The following CCSER1 variants were observed in gnomAD, a reference collection of about 807,000 sequenced individuals.
CCSER1 encodes coiled-coil serine rich protein 1, also known as serine-rich coiled-coil domain-containing protein 1.
A neutral mutation model predicts 82.0 loss-of-function variants in CCSER1; 41 were observed. The ratio of observed to expected loss-of-function variants is 0.50; its 90% CI spans 0.39 to 0.65. CCSER1 has a LOEUF of 0.65. Ranked by LOEUF, CCSER1 falls within the 30% of genes least tolerant of loss-of-function variation. The pLI is 0.00. For missense variants in CCSER1, 1,119 were observed against 1,064.2 expected (o/e 1.05, Z -0.72); for synonymous variants, 414 against 383.9 (o/e 1.08, Z -0.92).
At chr4:91,038,007 C>A (rs910739857) in intron 9 of CCSER1, among the ~76,000 whole-genome samples, 1 of 151,870 alleles carries the variant, frequency 6.6e-6, no homozygotes, top group African/African-American at 2.4e-5. Flanking sequence ...ATTAAGAGAC[C>A]AAATGAATAT....
In CCSER1 at chr4:90,145,618, A is replaced by C. The variant is rs1449126992; in HGVS notation, c.-42+17787A>C. ...CTATAGATGCCTAAACTGTGAGGGA[A>C]TATGATCTTTATGCAGTCATTGTCT... On this transcript the variant is annotated intron_variant, in intron 1 of 10. Coordinates refer to ENST00000509176, the MANE Select transcript of CCSER1 (RefSeq NM_001145065.2). Among the ~76,000 whole-genome samples the C allele has an allele frequency of 3.9e-5, 6 of 152,232 alleles. 1 individual carries two copies. The highest frequency in any genetic ancestry group is 1.2e-4 in the African/African-American group (5 of 41,572).
At chr4:91,044,771 A>G (rs560865166) in intron 9 of CCSER1, among the ~76,000 whole-genome samples, 2 of 152,320 alleles carry the variant, frequency 1.3e-5, no homozygotes, top group Admixed American at 6.5e-5. Context: ...ATCCACCTGT[A>G]CATCTCATCA....
chr4:90,401,084 A>G (rs1752801057), intron 4 of CCSER1, among the ~76,000 whole-genome samples: 1 of 152,196 alleles, frequency 6.6e-6, no homozygotes, highest in Non-Finnish European at 1.5e-5. Flanking sequence ...ATATCATATT[A>G]TCAATTGTCA....
chr4:90,935,448 G>T (rs112937061), intron 9 of CCSER1, among the ~76,000 whole-genome samples: 4 of 152,094 alleles, frequency 2.6e-5, no homozygotes, highest in Non-Finnish European at 5.9e-5. Flanking sequence ...CTTACAGCTT[G>T]CATAATCCTG....
At chr4:90,742,808 T>C (rs1253964247) in intron 7 of CCSER1, among the ~76,000 whole-genome samples, 1 of 152,198 alleles carries the variant, frequency 6.6e-6, no homozygotes, top group Non-Finnish European at 1.5e-5. Context: ...TATAATGATA[T>C]TGGGCTTATG....
intron 9 of CCSER1, among the ~76,000 whole-genome samples, chr4:91,049,112 A>G (rs1581423823): frequency 6.6e-6 from 1 of 152,164 alleles, no homozygotes; most frequent in East Asian, 1.9e-4. Flanking sequence ...ACTAGGGGTG[A>G]CTGTAATTAA....
chr4:90,649,629 G>T (rs1234440731), intron 6 of CCSER1: 1 of 152,132 alleles, frequency 6.6e-6, no homozygotes, highest in Non-Finnish European at 1.5e-5. Context: ...AAAACTGTGA[G>T]AAATATATTA....
At chr4:91,204,709 T>C (rs1276782138) in intron 10 of CCSER1, among the ~76,000 whole-genome samples, 1 of 151,852 alleles carries the variant, frequency 6.6e-6, no homozygotes, top group African/African-American at 2.4e-5. Context: ...TTGTAGAATT[T>C]ACTTTTTCTT....
chr4:90,397,389 T>C (rs1009353052), intron 3 of CCSER1, among the ~76,000 whole-genome samples: 3 of 152,186 alleles, frequency 2.0e-5, no homozygotes, highest in African/African-American at 4.8e-5. Context: ...AAAAATAAAA[T>C]ATTTTAAAAT....
At chr4:91,055,218 ACT>A (rs1743339727) in intron 9 of CCSER1, among the ~76,000 whole-genome samples, 1 of 151,838 alleles carries the variant, frequency 6.6e-6, no homozygotes, top group African/African-American at 2.4e-5. Context: ...AACTTATAAA[ACT>A]CTAATTTAAA....
chr4:91,527,809 A>G (rs986278749), intron 10 of CCSER1, among the ~76,000 whole-genome samples: 9 of 152,192 alleles, frequency 5.9e-5, no homozygotes, highest in Non-Finnish European at 1.0e-4. Context: ...TGCAGGTAAT[A>G]CAAGAGGGAA....
intron 10 of CCSER1, among the ~76,000 whole-genome samples, chr4:91,229,309 CAAGTG>C (rs1449557483): frequency 6.8e-6 from 1 of 146,258 alleles, no homozygotes; most frequent in Non-Finnish European, 1.5e-5. Context: ...AAAAGGTACT[CAAGTG>C]AAGAAACATA....
chr4:90,147,059 G>A (rs560695612), intron 1 of CCSER1, among the ~76,000 whole-genome samples: 1 of 151,466 alleles, frequency 6.6e-6, no homozygotes, highest in African/African-American at 2.4e-5. Context: ...TAATTCATTT[G>A]TTCAGTGATT....
At chr4:91,160,328 C>T (rs1223559709) in intron 10 of CCSER1, among the ~76,000 whole-genome samples, 1 of 152,272 alleles carries the variant, frequency 6.6e-6, no homozygotes, top group Non-Finnish European at 1.5e-5. Flanking sequence ...CAAGTTTTTG[C>T]TATTGTGAAT....
At chr4:91,218,318 C>A (rs554196501) in intron 10 of CCSER1, among the ~76,000 whole-genome samples, 2 of 152,222 alleles carry the variant, frequency 1.3e-5, no homozygotes, top group African/African-American at 4.8e-5. Flanking sequence ...CCGCAAGGGC[C>A]GCACGCAGCC....
chr4:90,989,742 C>T (rs6823287), intron 9 of CCSER1, among the ~76,000 whole-genome samples: 45,710 of 151,154 alleles, frequency 0.3, 7,669 homozygotes, highest in African/African-American at 0.44. Context: ...TCAGATAGTA[C>T]TGCAAAAGCT....
At chr4:91,167,717 T>G (rs1297503277) in intron 10 of CCSER1, among the ~76,000 whole-genome samples, 5 of 152,238 alleles carry the variant, frequency 3.3e-5, no homozygotes, top group Non-Finnish European at 7.3e-5. Context: ...GGAATATATA[T>G]GATTTACCTA....
At chr4:90,975,927 GA>G (rs1423025732) in intron 9 of CCSER1, among the ~76,000 whole-genome samples, 1 of 151,120 alleles carries the variant, frequency 6.6e-6, no homozygotes, top group Non-Finnish European at 1.5e-5. Flanking sequence ...GTTAAATGAT[GA>G]AAAGAGACCT....
At chr4:91,269,255 T>C (rs990739008) in intron 10 of CCSER1, among the ~76,000 whole-genome samples, 2 of 152,226 alleles carry the variant, frequency 1.3e-5, no homozygotes, top group Admixed American at 6.5e-5. Context: ...TAAGGGTTAA[T>C]ATAAATATCA....
Sources: gnomAD v4.1 joint callset for allele counts (sites outside exome capture counted in the v4.1 genomes callset) on GRCh38, gnomAD v4.1.1 for gene constraint, MANE v1.5 for transcripts, NCBI Gene and HGNC (gene_info 2026-07-23, HGNC 2026-07-21) for gene names.